CACNB2: variants seen among roughly 807,000 people sequenced by gnomAD.
CACNB2 encodes the protein voltage-dependent L-type calcium channel subunit beta-2.
In CACNB2, 42 loss-of-function variants were observed where a neutral mutation model predicts 73.3. The ratio of observed to expected loss-of-function variants is 0.57; its 90% confidence interval spans 0.45 to 0.74. The LOEUF (loss-of-function observed/expected upper bound fraction) is 0.74. Ranked by LOEUF, CACNB2 falls within the 30% of genes least tolerant of loss-of-function variation. The pLI is 0.00. For synonymous variants in CACNB2, 348 were observed against 310.3 expected (o/e 1.12, Z -1.28); for missense variants, 940 against 853.0 (o/e 1.10, Z -1.27).
At chr10:18,524,473 T>C (rs1252172210) in intron 9 of CACNB2, among the ~76,000 whole-genome samples, 2 of 151,278 alleles carry the variant, frequency 1.3e-5, no homozygotes, top group Non-Finnish European at 2.9e-5. Context: ...CTGGCCAACA[T>C]GGTGATACCT....
chr10:18,397,914 T>C (rs181905820), intron 2 of CACNB2, among the ~76,000 whole-genome samples: 85 of 152,134 alleles, frequency 5.6e-4, no homozygotes, highest in African/African-American at 2.0e-3. Context: ...AATGTCCAAA[T>C]AGAAATGCAG....
At chr10:18,204,410 T>C (rs2035009932) in intron 2 of CACNB2, among the ~76,000 whole-genome samples, 1 of 152,246 alleles carries the variant, frequency 6.6e-6, no homozygotes. Flanking sequence ...TTTGTAGATG[T>C]GAATTGTGCC....
At chr10:18,244,196 A>T (rs2036773969) in intron 2 of CACNB2, among the ~76,000 whole-genome samples, 1 of 152,196 alleles carries the variant, frequency 6.6e-6, no homozygotes, top group African/African-American at 2.4e-5. Context: ...TTACATGATA[A>T]AAGAGATTTC....
At chr10:18,535,384 G>A (rs2053461702) in intron 11 of CACNB2, among the ~76,000 whole-genome samples, 2 of 152,102 alleles carry the variant, frequency 1.3e-5, no homozygotes, top group Admixed American at 1.3e-4. Flanking sequence ...ATTGCAGCAG[G>A]TTGACTGTAG....
chr10:18,514,214 T>A (rs768629228), intron 6 of CACNB2, 22 bp from the exon 7 acceptor site: 11 of 1,613,662 alleles, frequency 6.8e-6, no homozygotes, highest in Non-Finnish European at 9.3e-6. Flanking sequence ...GTCCACCTGA[T>A]TTTTGAATTG....
At chr10:18,313,376 C>T (rs529545910) in intron 2 of CACNB2, among the ~76,000 whole-genome samples, 31 of 150,756 alleles carry the variant, frequency 2.1e-4, no homozygotes, top group Middle Eastern at 6.8e-3. Context: ...ACGTACTAGA[C>T]GCCAGAAACA....
At chr10:18,145,360 A>C (rs2030858413) in intron 1 of CACNB2, among the ~76,000 whole-genome samples, 1 of 151,904 alleles carries the variant, frequency 6.6e-6, no homozygotes, top group African/African-American at 2.4e-5. Flanking sequence ...CCTGTGCTTT[A>C]TGTTTTGCTG....
intron 3 of CACNB2, among the ~76,000 whole-genome samples, chr10:18,456,118 C>T (rs2132642716): frequency 1.3e-5 from 2 of 152,266 alleles, no homozygotes; most frequent in South Asian, 2.1e-4. Context: ...GGAATCTTTA[C>T]TTTCTTGACA....
chr10:18,431,659 G>A (rs1340726248), intron 3 of CACNB2, among the ~76,000 whole-genome samples: 9 of 152,098 alleles, frequency 5.9e-5, no homozygotes, highest in Non-Finnish European at 1.2e-4. Flanking sequence ...GGAAGTTAAC[G>A]GAGATGAAAT....
At position 18,518,426 on chromosome 10, in the gene CACNB2, A is replaced by C; in HGVS notation, c.885+10A>C. On this transcript the variant is annotated intron_variant, in intron 8 of 13. Coordinates refer to ENST00000324631, the MANE Select transcript of CACNB2 (RefSeq NM_201596.3). ...TCTGAAGGGCTACGAGGTGGGTAGC[A>C]GCCTTCCACAGGAAGCTTAACTTGC... 1.3e-6 allele frequency: 2 copies of C among 1,561,168 alleles called. No individual in the cohort carries two copies. Among genetic ancestry groups the C allele is most frequent in the Non-Finnish European group, 1.8e-6 (2 of 1,131,996 alleles).
intron 2 of CACNB2, among the ~76,000 whole-genome samples, chr10:18,278,701 A>C (rs978837105): frequency 2.6e-5 from 4 of 152,086 alleles, no homozygotes; most frequent in African/African-American, 9.7e-5. Flanking sequence ...TTTTGGGCCA[A>C]TTGCTCCCTG....
At chr10:18,519,444 C>T (rs990089257) in intron 9 of CACNB2, among the ~76,000 whole-genome samples, 9 of 152,178 alleles carry the variant, frequency 5.9e-5, no homozygotes, top group African/African-American at 1.7e-4. Context: ...TCTACAACCC[C>T]GCCTGTGGAG....
chr10:18,180,589 G>A (rs1356497218), intron 2 of CACNB2, among the ~76,000 whole-genome samples: 1 of 152,088 alleles, frequency 6.6e-6, no homozygotes, highest in Non-Finnish European at 1.5e-5. Flanking sequence ...TCATGGGGCA[G>A]TTACGAGGAT....
intron 2 of CACNB2, among the ~76,000 whole-genome samples, chr10:18,385,369 C>T (rs1056074068): frequency 2.1e-5 from 2 of 96,990 alleles, no homozygotes; most frequent in East Asian, 2.0e-3. Flanking sequence ...GTAATACCCC[C>T]CCCCCTCGCC....
chr10:18,162,875 G>A (rs538632181), intron 2 of CACNB2, among the ~76,000 whole-genome samples: 75 of 152,180 alleles, frequency 4.9e-4, no homozygotes, highest in Non-Finnish European at 8.1e-4. Flanking sequence ...CACACTGATC[G>A]CAACATTGAT....
chr10:18,249,598 C>T (rs142597626), intron 2 of CACNB2, among the ~76,000 whole-genome samples: 1 of 152,262 alleles, frequency 6.6e-6, no homozygotes, highest in African/African-American at 2.4e-5. Context: ...CTCTACCTGA[C>T]CAGATCTGAT....
chr10:18,522,467 A>G (rs1246121263), intron 9 of CACNB2, among the ~76,000 whole-genome samples: 7 of 152,136 alleles, frequency 4.6e-5, no homozygotes, highest in African/African-American at 9.7e-5. Flanking sequence ...ATTTCTTACT[A>G]TAGTACTTTC....
chr10:18,173,382 T>G (rs1236809875), intron 2 of CACNB2, among the ~76,000 whole-genome samples: 2 of 152,244 alleles, frequency 1.3e-5, no homozygotes, highest in Admixed American at 6.5e-5. Context: ...CATTACCTAG[T>G]GCATGGTAAA....
At chr10:18,516,865 A>T (rs1223679499) in intron 7 of CACNB2, among the ~76,000 whole-genome samples, 1 of 152,094 alleles carries the variant, frequency 6.6e-6, no homozygotes, top group Non-Finnish European at 1.5e-5. Flanking sequence ...GTGTCAATTA[A>T]AATTAATTCT....
Sources: allele counts gnomAD v4.1 joint callset (sites outside exome capture counted in the v4.1 genomes callset), GRCh38; gene constraint gnomAD v4.1.1; transcripts MANE v1.5; gene names NCBI Gene and HGNC (gene_info 2026-07-23, HGNC 2026-07-21).